CENPW: variants seen among roughly 807,000 people sequenced by gnomAD.
The protein encoded by CENPW is centromere protein W.
A neutral mutation model predicts 11.1 loss-of-function variants in CENPW; 3 were observed. The observed-to-expected ratio is 0.27, with a 90% CI of 0.12 to 0.70. CENPW has a LOEUF of 0.70. CENPW is among the 30% of genes least tolerant of loss of function. The pLI is 0.77. For synonymous variants in CENPW, 38 were observed against 42.0 expected, an observed-to-expected ratio of 0.91 and a Z score of 0.37; for missense variants, 100 against 105.6, an observed-to-expected ratio of 0.95 and a Z score of 0.23.
the CENPW span, among the ~76,000 whole-genome samples, chr6:126,455,845 A>T: frequency 7.3e-5 from 11 of 151,172 alleles, 1 homozygote; most frequent in South Asian, 2.3e-3. Flanking sequence ...TGAAACTCCT[A>T]GATCTGATTA....
chr6:126,340,201 C>G lies in CENPW; in HGVS notation c.-73C>G. ...ACGGACCGGATTGTTTTCGCTGGCC[C>G]AGTGTCCCCGGAGCTTGTGTGCGAT... On this transcript the variant is annotated 5_prime_UTR_variant, in exon 1 of 3. Coordinates refer to ENST00000368328, the MANE Select transcript of CENPW (RefSeq NM_001012507.4). 1.4e-6 allele frequency: 2 copies of G among 1,413,964 alleles called. No individual in the cohort carries two copies. The highest frequency in any genetic ancestry group is 1.4e-5 in the African/African-American group (1 of 70,498). 87.6% of individuals were successfully genotyped at this position (1,413,964 alleles called of 1,614,324 possible).
At position 126,346,259 on chromosome 6, in the gene CENPW, A is replaced by G. The variant is rs1583955464; in HGVS notation, c.181A>G (p.Asn61Asp). ...TCGATTAGCAGAAGAGTCCAGGACA[A>G]ACGCTTGTGCGAGTAAATGTAGAGT... is the stretch of plus-strand genomic sequence containing the variant. The part of the protein sequence containing the change: ...VHRLAEESRT[N>D]ACASKCRVIN... The change falls in exon 2 of 3, where the codon AAC (asparagine) becomes GAC (aspartate). Residue 61 changes from asparagine to aspartate, a missense_variant. Transcript: ENST00000368328. 1 of 1,609,268 alleles carries G rather than the reference A, an allele frequency of 6.2e-7. No individual in the cohort carries two copies. Among genetic ancestry groups the G allele is most frequent in the African/African-American group, 1.3e-5 (1 of 75,014 alleles).
the CENPW span, among the ~76,000 whole-genome samples, chr6:126,366,035 A>G: frequency 1.3e-5 from 2 of 152,220 alleles, no homozygotes; most frequent in Non-Finnish European, 2.9e-5. Flanking sequence ...CCCTACTAGC[A>G]TTAAAGTTTA....
the CENPW span, among the ~76,000 whole-genome samples, chr6:126,365,684 A>G: frequency 3.3e-5 from 5 of 152,226 alleles, no homozygotes; most frequent in Non-Finnish European, 7.4e-5. Flanking sequence ...TAAAGAAAAT[A>G]TTGTTACCCA....
chr6:126,456,577 G>A, the CENPW span, among the ~76,000 whole-genome samples: 2 of 151,446 alleles, frequency 1.3e-5, no homozygotes, highest in Admixed American at 1.3e-4. Flanking sequence ...ATATTTAAAT[G>A]TTAAACCAAA....
At chr6:126,355,104 T>A in the CENPW span, among the ~76,000 whole-genome samples, 1 of 152,130 alleles carries the variant, frequency 6.6e-6, no homozygotes, top group African/African-American at 2.4e-5. Context: ...TTATTGCCAT[T>A]TTTTTCATGA....
the CENPW span, among the ~76,000 whole-genome samples, chr6:126,386,842 A>G: frequency 2.0e-5 from 3 of 152,038 alleles, no homozygotes; most frequent in African/African-American, 4.8e-5. Flanking sequence ...GATAAGTACA[A>G]TAATTGGAAT....
the CENPW span, among the ~76,000 whole-genome samples, chr6:126,400,777 T>C: frequency 2.6e-5 from 4 of 152,084 alleles, no homozygotes; most frequent in South Asian, 8.3e-4. Flanking sequence ...GACCTATATA[T>C]GAGTTTACTG....
the CENPW span, among the ~76,000 whole-genome samples, chr6:126,445,296 C>T: frequency 6.6e-6 from 1 of 151,102 alleles, no homozygotes; most frequent in Non-Finnish European, 1.5e-5. Flanking sequence ...TAGGAACACC[C>T]ATTTTGTGAA....
the CENPW span, among the ~76,000 whole-genome samples, chr6:126,390,977 G>C: frequency 1.3e-5 from 2 of 151,858 alleles, no homozygotes; most frequent in South Asian, 2.1e-4. Flanking sequence ...CCTTTCTTTG[G>C]GGGTATATAC....
At chr6:126,459,092 G>T in the CENPW span, among the ~76,000 whole-genome samples, 2 of 151,100 alleles carry the variant, frequency 1.3e-5, no homozygotes, top group East Asian at 2.0e-4. Flanking sequence ...GTCTTTCATT[G>T]CTATTTAATT....
At chr6:126,475,030 C>T in the CENPW span, among the ~76,000 whole-genome samples, 2 of 151,966 alleles carry the variant, frequency 1.3e-5, no homozygotes, top group African/African-American at 4.8e-5. Context: ...GCAGCAGCCA[C>T]CAGTTAGCTC....
downstream of CENPW, among the ~76,000 whole-genome samples, chr6:126,350,711 C>T (rs576843556): frequency 6.6e-6 from 1 of 151,914 alleles, no homozygotes; most frequent in South Asian, 2.1e-4. Flanking sequence ...AACAGAAAGC[C>T]TCATGGATTC....
chr6:126,399,961 T>G, the CENPW span, among the ~76,000 whole-genome samples: 1 of 152,126 alleles, frequency 6.6e-6, no homozygotes, highest in East Asian at 1.9e-4. Flanking sequence ...ATAATGTTTT[T>G]GTATTTAATT....
the CENPW span, among the ~76,000 whole-genome samples, chr6:126,380,423 C>T: frequency 6.6e-6 from 1 of 152,156 alleles, no homozygotes; most frequent in East Asian, 1.9e-4. Context: ...CCCTGAAATT[C>T]ACCTATGACC....
In CENPW at chr6:126,348,447, A is replaced by G; in HGVS notation, c.241-19A>G. ...TTTTCATAGATATAATATGAATCTT[A>G]TTTTTTTCCCTCTTACAGGTAATTC... On this transcript the variant is annotated intron_variant, in intron 2 of 2. Transcript: ENST00000368328. The G allele has an allele frequency of 7.9e-7, 1 of 1,263,972 alleles. No homozygotes were observed. Among genetic ancestry groups the G allele is most frequent in the Non-Finnish European group, 1.2e-6 (1 of 867,510 alleles). 78.3% of individuals were successfully genotyped at this position (1,263,972 alleles called of 1,614,324 possible).
chr6:126,481,272 A>G, the CENPW span, among the ~76,000 whole-genome samples: 2 of 151,946 alleles, frequency 1.3e-5, no homozygotes, highest in Non-Finnish European at 2.9e-5. Flanking sequence ...GATATAACTA[A>G]GCAATTTTTT....
the CENPW span, among the ~76,000 whole-genome samples, chr6:126,413,646 T>C: frequency 4.2e-3 from 641 of 150,880 alleles, 6 homozygotes; most frequent in African/African-American, 0.014. Context: ...TGGAGAAATA[T>C]ATAAAGCTCT....
the CENPW span, among the ~76,000 whole-genome samples, chr6:126,405,710 A>G: frequency 6.6e-6 from 1 of 151,942 alleles, no homozygotes; most frequent in African/African-American, 2.4e-5. Flanking sequence ...ATTATAGAGA[A>G]TGTTCATCTC....
Sources: allele counts gnomAD v4.1 joint callset (sites outside exome capture counted in the v4.1 genomes callset), GRCh38; gene constraint gnomAD v4.1.1; transcripts MANE v1.5; gene names NCBI Gene and HGNC (gene_info 2026-07-23, HGNC 2026-07-21).